Variants in MAGI1 observed in about 807,000 individuals in gnomAD.
MAGI1 encodes membrane associated guanylate kinase, WW and PDZ domain containing 1, also known as membrane-associated guanylate kinase, WW and PDZ domain-containing protein 1.
Under a neutral mutation model 139.9 loss-of-function variants are expected in MAGI1, and 58 were observed. That is an observed-to-expected ratio of 0.41 (90% CI 0.34 to 0.52). The LOEUF is 0.52. Ranked by LOEUF, MAGI1 falls within the 20% of genes least tolerant of loss-of-function variation. The pLI is 0.12. For missense variants in MAGI1, 1,874 were observed against 1,901.6 expected (o/e 0.99, Z 0.27); for synonymous variants, 812 against 737.9 (o/e 1.10, Z -1.63).
chr3:65,933,003 G>A (rs1366771857), intron 1 of MAGI1, among the ~76,000 whole-genome samples: 1 of 152,196 alleles, frequency 6.6e-6, no homozygotes, highest in Non-Finnish European at 1.5e-5. Context: ...TCTGCCTCTA[G>A]GCAGCACCTA....
At chr3:65,386,815 G>A (rs1028632334) in intron 14 of MAGI1, among the ~76,000 whole-genome samples, 1 of 152,160 alleles carries the variant, frequency 6.6e-6, no homozygotes, top group African/African-American at 2.4e-5. Flanking sequence ...TTTGGGTAAT[G>A]CCAGTGACAA....
chr3:65,515,885 G>C (rs1206473215), intron 2 of MAGI1, among the ~76,000 whole-genome samples: 2 of 152,286 alleles, frequency 1.3e-5, no homozygotes, highest in African/African-American at 4.8e-5. Flanking sequence ...TTACACAAAT[G>C]CTGAAAATGA....
At chr3:65,375,659 CAAAG>C (rs1295338743) in intron 18 of MAGI1, 82 bp downstream of exon 18, 1 of 1,168,298 alleles carries the variant, frequency 8.6e-7, no homozygotes, top group East Asian at 2.3e-5. Flanking sequence ...GAACACTAAT[CAAAG>C]AGAGAGAAAG....
intron 6 of MAGI1, 197 bp from the exon 7 acceptor site, chr3:65,448,254 G>A (rs1948796786): frequency 1.7e-6 from 1 of 602,474 alleles, no homozygotes; most frequent in African/African-American, 1.9e-5. Context: ...AACGGGAAGA[G>A]CTGATATTGG....
chr3:65,548,509 C>CTTTTTTTTTTTTTTTTTTTTTTTTTTT, intron 2 of MAGI1, among the ~76,000 whole-genome samples: 1 of 117,368 alleles, frequency 8.5e-6, no homozygotes. Context: ...GCAAACAACA[C>CTTTTTTTTTTTTTTTTTTTTTTTTTTT]TCTTTTTTTT....
At chr3:65,619,144 G>T (rs1299505305) in intron 2 of MAGI1, among the ~76,000 whole-genome samples, 2 of 152,072 alleles carry the variant, frequency 1.3e-5, no homozygotes, top group African/African-American at 4.8e-5. Flanking sequence ...TTTCAACAAC[G>T]CCGTTACAAA....
At chr3:65,729,847 A>T (rs1392063) in intron 1 of MAGI1, among the ~76,000 whole-genome samples, 2,556 of 152,342 alleles carry the variant, frequency 0.017, 71 homozygotes, top group African/African-American at 0.057. Flanking sequence ...CGTTAGCAAC[A>T]AAAGGCAGAA....
At chr3:65,363,697 C>T in intron 20 of MAGI1, 89 bp from the exon 21 acceptor site, 1 of 1,065,756 alleles carries the variant, frequency 9.4e-7, no homozygotes, top group Non-Finnish European at 1.4e-6. Context: ...GGCACAATCT[C>T]TATCCCCCTC....
intron 1 of MAGI1, among the ~76,000 whole-genome samples, chr3:65,751,228 A>G (rs2036123914): frequency 6.6e-6 from 1 of 152,216 alleles, no homozygotes; most frequent in Non-Finnish European, 1.5e-5. Flanking sequence ...TCTAGCTCAG[A>G]GACCTGAAAT....
intron 1 of MAGI1, among the ~76,000 whole-genome samples, chr3:65,856,194 A>C (rs2059373931): frequency 1.3e-5 from 2 of 152,094 alleles, no homozygotes; most frequent in African/African-American, 4.8e-5. Flanking sequence ...ACCATAGTGG[A>C]TAGTAAAGGT....
chr3:65,656,774 G>T (rs1566397), intron 1 of MAGI1, among the ~76,000 whole-genome samples: 47,245 of 151,836 alleles, frequency 0.31, 8,915 homozygotes, highest in East Asian at 0.62. Flanking sequence ...CAAGTGGGCA[G>T]ATCATTTGAG....
At chr3:65,971,308 G>C (rs1213207225) in intron 1 of MAGI1, among the ~76,000 whole-genome samples, 2 of 152,174 alleles carry the variant, frequency 1.3e-5, no homozygotes, top group African/African-American at 4.8e-5. Flanking sequence ...GTAGAACTGT[G>C]CTTCATTCCT....
intron 17 of MAGI1, among the ~76,000 whole-genome samples, chr3:65,377,679 T>C (rs887871969): frequency 1.3e-5 from 2 of 152,156 alleles, no homozygotes; most frequent in Non-Finnish European, 2.9e-5. Context: ...AGCAAGAAAG[T>C]CTCTGAAATT....
intron 5 of MAGI1, among the ~76,000 whole-genome samples, chr3:65,453,728 G>C (rs35891080): frequency 6.6e-6 from 1 of 151,918 alleles, no homozygotes; most frequent in Non-Finnish European, 1.5e-5. Context: ...CTTGAGTCTT[G>C]GATGCTGAAA....
intron 1 of MAGI1, among the ~76,000 whole-genome samples, chr3:65,737,854 T>C (rs1406172376): frequency 6.6e-6 from 1 of 152,054 alleles, no homozygotes; most frequent in Non-Finnish European, 1.5e-5. Context: ...ACTTAACCAA[T>C]TACCGAAAAC....
chr3:65,501,453 C>CA (rs35967662), intron 2 of MAGI1, among the ~76,000 whole-genome samples: 11,843 of 80,590 alleles, frequency 0.15, 1,110 homozygotes, highest in Middle Eastern at 0.25. Context: ...GACTCTGTCT[C>CA]AAAAAAAAAA....
At chr3:65,691,315 AG>A (rs2088634988) in intron 1 of MAGI1, among the ~76,000 whole-genome samples, 3 of 147,120 alleles carry the variant, frequency 2.0e-5, no homozygotes, top group Non-Finnish European at 4.5e-5. Context: ...AAAAAAAAAA[AG>A]AAAAGAAAAA....
chr3:65,403,321 T>A (rs1945060529), intron 12 of MAGI1, among the ~76,000 whole-genome samples: 1 of 152,186 alleles, frequency 6.6e-6, no homozygotes, highest in South Asian at 2.1e-4. Flanking sequence ...AGAAAAATCA[T>A]CTGCTAAGCA....
At chr3:65,638,758 C>T (rs1161716749) in intron 1 of MAGI1, among the ~76,000 whole-genome samples, 1 of 151,956 alleles carries the variant, frequency 6.6e-6, no homozygotes, top group Non-Finnish European at 1.5e-5. Context: ...AGGCATGTGC[C>T]ACTGCACCCA....
Sources: gnomAD v4.1 joint callset for allele counts (sites outside exome capture counted in the v4.1 genomes callset) on GRCh38, gnomAD v4.1.1 for gene constraint, MANE v1.5 for transcripts, NCBI Gene and HGNC (gene_info 2026-07-23, HGNC 2026-07-21) for gene names.